Variants in SYT1 observed in about 807,000 individuals in gnomAD.
SYT1 encodes synaptotagmin 1.
A neutral mutation model predicts 44.8 loss-of-function variants in SYT1; 8 were observed. The observed-to-expected ratio is 0.18, with a 90% CI of 0.10 to 0.32. SYT1 has a LOEUF of 0.32. Among genes scored for constraint, SYT1 ranks in the 10% least tolerant of loss-of-function variants. SYT1 has a pLI of 1.00. For missense variants in SYT1, 286 were observed against 509.3 expected (o/e 0.56, Z 4.22); for synonymous variants, 154 against 188.8 (o/e 0.82, Z 1.51).
chr12:79,328,715 A>G (rs986716238), intron 8 of SYT1, among the ~76,000 whole-genome samples: 3 of 151,976 alleles, frequency 2.0e-5, no homozygotes, highest in Non-Finnish European at 4.4e-5. Flanking sequence ...GCGTGGTGGC[A>G]GGCACCTGCA....
chr12:79,285,667 C>A lies in SYT1; in HGVS notation c.167-120C>A, dbSNP rs1484028269. 5 of 674,588 alleles carry A rather than the reference C, an allele frequency of 7.4e-6. No homozygotes were observed. The African/African-American group carries it at 7.4e-5, about 10-fold the overall frequency. 41.8% of individuals were successfully genotyped at this position (674,588 alleles called of 1,614,324 possible). A position where few individuals can be genotyped will look rare whatever the true frequency, so the allele number is the denominator to read the frequency against. ...AAAGTACTGAGGAATGGTGTACCTG[C>A]AGCATAACAGGTGCTCAAAAATGCA... On this transcript the variant is annotated intron_variant, in intron 4 of 10. Coordinates refer to ENST00000261205, the MANE Select transcript of SYT1 (RefSeq NM_005639.3).
At chr12:78,887,221 A>T (rs1056771941) in intron 1 of SYT1, among the ~76,000 whole-genome samples, 1 of 151,990 alleles carries the variant, frequency 6.6e-6, no homozygotes, top group African/African-American at 2.4e-5. Context: ...GACATGAGTC[A>T]TCTCTTTGTC....
At chr12:78,911,739 G>C (rs1030148597) in intron 1 of SYT1, among the ~76,000 whole-genome samples, 1 of 151,934 alleles carries the variant, frequency 6.6e-6, no homozygotes, top group African/African-American at 2.4e-5. Flanking sequence ...CAGCCTCTCT[G>C]AGACTTTTTG....
intron 3 of SYT1, among the ~76,000 whole-genome samples, chr12:79,140,996 T>A (rs1869523731): frequency 6.6e-6 from 1 of 152,240 alleles, no homozygotes; most frequent in Non-Finnish European, 1.5e-5. Context: ...TCCTAAGAGT[T>A]CCTCATGAAA....
intron 9 of SYT1, among the ~76,000 whole-genome samples, chr12:79,414,392 C>T (rs1820973644): frequency 6.6e-6 from 1 of 151,950 alleles, no homozygotes; most frequent in Non-Finnish European, 1.5e-5. Flanking sequence ...CAGGTGGGGA[C>T]ACATTAGATC....
intron 9 of SYT1, among the ~76,000 whole-genome samples, chr12:79,387,341 A>G (rs2136085129): frequency 6.6e-6 from 1 of 152,332 alleles, no homozygotes; most frequent in African/African-American, 2.4e-5. Context: ...TCTCTTTTCT[A>G]CCTTAGCCAA....
chr12:79,171,681 TA>T (rs199562030), intron 3 of SYT1, among the ~76,000 whole-genome samples: 11 of 149,006 alleles, frequency 7.4e-5, no homozygotes, highest in East Asian at 5.9e-4. Context: ...AGGTACACAG[TA>T]AAAAAAAAAT....
At chr12:79,397,108 C>A (rs1230097831) in intron 9 of SYT1, among the ~76,000 whole-genome samples, 1 of 152,238 alleles carries the variant, frequency 6.6e-6, no homozygotes, top group Non-Finnish European at 1.5e-5. Flanking sequence ...TGGCCCAGCA[C>A]TGGGAGAGTG....
intron 3 of SYT1, among the ~76,000 whole-genome samples, chr12:79,129,231 A>G (rs1019579045): frequency 3.3e-5 from 5 of 152,202 alleles, no homozygotes; most frequent in Admixed American, 2.6e-4. Flanking sequence ...TATTTTAGCA[A>G]TGTATAAATT....
At chr12:79,258,605 G>A (rs570774632) in intron 4 of SYT1, among the ~76,000 whole-genome samples, 38 of 152,120 alleles carry the variant, frequency 2.5e-4, no homozygotes, top group African/African-American at 8.4e-4. Context: ...TGTATGCAAG[G>A]GTTTTCTTAG....
At chr12:79,169,831 T>C (rs752396499) in intron 3 of SYT1, among the ~76,000 whole-genome samples, 5 of 152,036 alleles carry the variant, frequency 3.3e-5, no homozygotes, top group African/African-American at 9.7e-5. Flanking sequence ...TTATTTTTCC[T>C]GATCCTCTCC....
chr12:79,125,802 C>G (rs911954010), intron 3 of SYT1, among the ~76,000 whole-genome samples: 4 of 152,124 alleles, frequency 2.6e-5, no homozygotes, highest in African/African-American at 9.7e-5. Flanking sequence ...CAGGTAGCCC[C>G]CAAGTTTCTT....
intron 1 of SYT1, among the ~76,000 whole-genome samples, chr12:78,952,979 AT>A (rs1485144072): frequency 2.0e-5 from 3 of 152,118 alleles, no homozygotes; most frequent in East Asian, 3.9e-4. Context: ...AGAGGGCAAA[AT>A]TTTTTGTGTC....
intron 3 of SYT1, among the ~76,000 whole-genome samples, chr12:79,203,025 G>A (rs990585109): frequency 8.5e-5 from 13 of 152,162 alleles, no homozygotes; most frequent in African/African-American, 2.6e-4. Flanking sequence ...AGAGGCACAT[G>A]TAGGTAAAGA....
intron 1 of SYT1, among the ~76,000 whole-genome samples, chr12:78,923,107 G>A (rs1327536254): frequency 3.3e-5 from 5 of 152,016 alleles, no homozygotes; most frequent in Non-Finnish European, 7.4e-5. Context: ...CAAACCAGCA[G>A]AGTCCAATTT....
intron 1 of SYT1, among the ~76,000 whole-genome samples, chr12:78,907,695 A>G (rs1490970484): frequency 6.6e-6 from 1 of 152,050 alleles, no homozygotes; most frequent in African/African-American, 2.4e-5. Flanking sequence ...AAGTGCCGTT[A>G]GGTCAAACAC....
intron 3 of SYT1, among the ~76,000 whole-genome samples, chr12:79,132,607 C>T (rs1168692115): frequency 3.5e-5 from 5 of 142,122 alleles, no homozygotes; most frequent in African/African-American, 7.9e-5. Context: ...GGATGTGGAA[C>T]TCTCATACAT....
chr12:79,400,501 G>A (rs1368498559), intron 9 of SYT1, among the ~76,000 whole-genome samples: 1 of 152,130 alleles, frequency 6.6e-6, no homozygotes, highest in East Asian at 1.9e-4. Flanking sequence ...GTATCAGACG[G>A]AAACTGAAAA....
chr12:79,307,839 G>C (rs575386197), intron 8 of SYT1, among the ~76,000 whole-genome samples: 3 of 152,276 alleles, frequency 2.0e-5, no homozygotes, highest in Admixed American at 2.0e-4. Context: ...TGGCAAATGC[G>C]GCCTTCAGTG....
Sources: allele counts gnomAD v4.1 joint callset (sites outside exome capture counted in the v4.1 genomes callset), GRCh38; gene constraint gnomAD v4.1.1; transcripts MANE v1.5; gene names NCBI Gene and HGNC (gene_info 2026-07-23, HGNC 2026-07-21).